The following KCNH5 variants were observed in gnomAD, a reference collection of about 807,000 sequenced individuals.
KCNH5 encodes voltage-gated delayed rectifier potassium channel KCNH5.
Under a neutral mutation model 96.1 loss-of-function variants are expected in KCNH5, and 46 were observed. The ratio of observed to expected loss-of-function variants is 0.48; its 90% CI spans 0.38 to 0.61. The LOEUF (loss-of-function observed/expected upper bound fraction) is 0.61, where lower values mean the gene tolerates loss of function less well. Ranked by LOEUF, KCNH5 falls within the 20% of genes least tolerant of loss-of-function variation. The pLI, the probability that KCNH5 is intolerant of heterozygous loss-of-function variation, is 0.00. For synonymous variants in KCNH5, 439 were observed against 449.8 expected, an observed-to-expected ratio of 0.98 and a Z score of 0.30; for missense variants, 907 against 1,225.8, an observed-to-expected ratio of 0.74 and a Z score of 3.88.
At chr14:62,808,438 C>CA (rs953113003) in intron 8 of KCNH5, among the ~76,000 whole-genome samples, 19 of 151,688 alleles carry the variant, frequency 1.3e-4, no homozygotes, top group South Asian at 4.2e-4. Flanking sequence ...TGCTCTTTCA[C>CA]AAAAAAATGT....
chr14:62,977,844 G>A (rs187837094), intron 6 of KCNH5, among the ~76,000 whole-genome samples: 1 of 152,120 alleles, frequency 6.6e-6, no homozygotes, highest in African/African-American at 2.4e-5. Flanking sequence ...TGGGGAGGAG[G>A]GGAACACGAA....
rs533573805 is a variant in KCNH5, at chr14:62,709,761, A to G, written c.2020-1306T>C. ...TGTTGGCTATATAAGAAATTGCCAC[A>G]TATATTATCAGAGTTGGAAGTAAAG... is the stretch of plus-strand genomic sequence containing the variant. On this transcript the variant is annotated intron_variant, in intron 10 of 10. Transcript: ENST00000322893. Among the ~76,000 whole-genome samples the G allele has an allele frequency of 1.0e-3, 152 of 152,362 alleles. 4 individuals are homozygous for G. In the South Asian group the frequency reaches 0.03, roughly 30 times the overall value.
chr14:62,826,499 T>C (rs1887230428), intron 8 of KCNH5, among the ~76,000 whole-genome samples: 2 of 151,690 alleles, frequency 1.3e-5, no homozygotes, highest in South Asian at 2.1e-4. Context: ...TTTCTTCTAA[T>C]AGGTGAGTTA....
At chr14:62,944,881 G>A (rs1168593772) in intron 7 of KCNH5, among the ~76,000 whole-genome samples, 3 of 152,046 alleles carry the variant, frequency 2.0e-5, no homozygotes, top group African/African-American at 4.8e-5. Flanking sequence ...TAAGTCAAAA[G>A]GCAAGAAGAT....
intron 7 of KCNH5, among the ~76,000 whole-genome samples, chr14:62,884,961 A>G (rs560040850): frequency 6.6e-6 from 1 of 152,352 alleles, no homozygotes; most frequent in South Asian, 2.1e-4. Context: ...TTTATGAACT[A>G]GTTGTATAAC....
At chr14:62,835,022 T>A (rs1352299925) in intron 8 of KCNH5, among the ~76,000 whole-genome samples, 1 of 151,990 alleles carries the variant, frequency 6.6e-6, no homozygotes, top group Non-Finnish European at 1.5e-5. Flanking sequence ...AAGCTTCACA[T>A]GATAAAGGTC....
chr14:62,708,895 C>T (rs1595588111), intron 10 of KCNH5, among the ~76,000 whole-genome samples: 1 of 152,164 alleles, frequency 6.6e-6, no homozygotes, highest in East Asian at 1.9e-4. Flanking sequence ...AATGAATTGC[C>T]ACTTTTGTAT....
Position 62,700,699 on chromosome 14 carries a change from T to C in KCNH5, c.*6809A>G, listed in dbSNP as rs1375461923. On this transcript the variant is annotated 3_prime_UTR_variant, in exon 11 of 11. Coordinates refer to ENST00000322893, the MANE Select transcript of KCNH5 (RefSeq NM_139318.5). Reference sequence around the variant, plus strand: ...GTAACATGGAATTATAAATGAATCTTTGTTGTGATTTTGCATAGTTTACTA... The same window carrying C: ...GTAACATGGAATTATAAATGAATCTCTGTTGTGATTTTGCATAGTTTACTA... 3 of 152,144 alleles carry C rather than the reference T, an allele frequency of 2.0e-5. No individual in the cohort carries two copies. The highest frequency in any genetic ancestry group is 2.9e-5 in the Non-Finnish European group (2 of 68,012). 9.4% of individuals were successfully genotyped at this position (152,144 alleles called of 1,614,324 possible).
At chr14:62,750,825 AG>A (rs1310088237) in intron 10 of KCNH5, among the ~76,000 whole-genome samples, 6 of 152,308 alleles carry the variant, frequency 3.9e-5, no homozygotes, top group Admixed American at 3.9e-4. Context: ...GAGCTGAGGT[AG>A]AAGCTGGTAA....
At chr14:62,800,325 C>G (rs1228121928) in intron 9 of KCNH5, among the ~76,000 whole-genome samples, 1 of 152,094 alleles carries the variant, frequency 6.6e-6, no homozygotes, top group African/African-American at 2.4e-5. Flanking sequence ...ACCCAGGGGT[C>G]CTGTGTTCAT....
intron 9 of KCNH5, among the ~76,000 whole-genome samples, chr14:62,790,687 A>G (rs887146971): frequency 6.6e-6 from 1 of 151,134 alleles, no homozygotes; most frequent in Non-Finnish European, 1.5e-5. Flanking sequence ...CTGTGTACAG[A>G]TATTTTACCT....
chr14:62,823,682 T>C (rs1273677636), intron 8 of KCNH5, among the ~76,000 whole-genome samples: 1 of 152,122 alleles, frequency 6.6e-6, no homozygotes, highest in Non-Finnish European at 1.5e-5. Context: ...ATCTCTGATT[T>C]ACTCCTTTCT....
Position 62,705,314 on chromosome 14 carries a change from A to G in KCNH5, c.*2194T>C, listed in dbSNP as rs1427287142. 6.6e-6 allele frequency: 1 copy of G among 152,028 alleles called. No individual in the cohort carries two copies. The highest frequency in any genetic ancestry group is 1.5e-5 in the Non-Finnish European group (1 of 67,876). The allele number at this position is 152,028 out of a possible 1,614,324, so 9.4% of individuals were successfully genotyped here. The stretch of plus-strand genomic sequence containing the variant: ...AGCACTGGCTAAAGTTAAACTAACA[A>G]CTTCTATAATCAGATTCTTATTTTA... On this transcript the variant is annotated 3_prime_UTR_variant, in exon 11 of 11. Transcript: ENST00000322893.
At chr14:62,843,279 A>G (rs554710267) in intron 8 of KCNH5, among the ~76,000 whole-genome samples, 3 of 152,224 alleles carry the variant, frequency 2.0e-5, no homozygotes, top group East Asian at 3.9e-4. Context: ...AACACAATCT[A>G]TGATCTGATT....
intron 9 of KCNH5, among the ~76,000 whole-genome samples, chr14:62,796,469 C>T (rs1886543468): frequency 6.6e-6 from 1 of 152,154 alleles, no homozygotes; most frequent in Non-Finnish European, 1.5e-5. Flanking sequence ...TCCTTCCAAA[C>T]CATACATAAA....
At chr14:63,001,654 A>G (rs1891013826) in intron 3 of KCNH5, among the ~76,000 whole-genome samples, 195 bp from the exon 4 acceptor site, 2 of 152,258 alleles carry the variant, frequency 1.3e-5, no homozygotes, top group Admixed American at 1.3e-4. Flanking sequence ...GTTCAAATTT[A>G]ATAAACACAG....
In KCNH5 at chr14:62,989,637, C is replaced by G. The variant is rs192465580; in HGVS notation, c.434-2450G>C. ...TACACGCACATCATGGGATGCATAC[C>G]TCACCTGGCACTAACAACACTGATG... is the stretch of plus-strand genomic sequence containing the variant. On this transcript the variant is annotated intron_variant, in intron 4 of 10. Coordinates refer to ENST00000322893, the MANE Select transcript of KCNH5 (RefSeq NM_139318.5). 2.9e-3 allele frequency among the ~76,000 whole-genome samples: 443 copies of G among 152,096 alleles called. 2 individuals carry two copies. The highest frequency in any genetic ancestry group is 0.01 in the African/African-American group (420 of 41,512).
intron 9 of KCNH5, among the ~76,000 whole-genome samples, chr14:62,793,089 T>C (rs1886466637): frequency 6.6e-6 from 1 of 151,782 alleles, no homozygotes; most frequent in South Asian, 2.1e-4. Flanking sequence ...GAAGTGTCTA[T>C]AATAGTTACA....
chr14:62,922,293 T>C (rs1402584600), intron 7 of KCNH5, among the ~76,000 whole-genome samples: 2 of 152,054 alleles, frequency 1.3e-5, no homozygotes, highest in African/African-American at 4.8e-5. Context: ...TCCATCTACA[T>C]GCACAAAGAT....
Sources: gnomAD v4.1 joint callset for allele counts (sites outside exome capture counted in the v4.1 genomes callset) on GRCh38, gnomAD v4.1.1 for gene constraint, MANE v1.5 for transcripts, NCBI Gene and HGNC (gene_info 2026-07-23, HGNC 2026-07-21) for gene names.